Variants in PARG observed in about 807,000 individuals in gnomAD.
PARG encodes the protein mitochondrial poly(ADP-ribose) glycohydrolase.
Under a neutral mutation model 113.0 loss-of-function variants are expected in PARG, and 35 were observed. The observed-to-expected ratio is 0.31, with a 90% confidence interval of 0.24 to 0.41. The LOEUF (loss-of-function observed/expected upper bound fraction) is 0.41, where lower values mean the gene tolerates loss of function less well. Among genes scored for constraint, PARG ranks in the 10% least tolerant of loss-of-function variants. The pLI, the probability that PARG is intolerant of heterozygous loss-of-function variation, is 1.00. For synonymous variants in PARG, 330 were observed against 409.9 expected (o/e 0.81, Z 2.36); for missense variants, 797 against 1,169.4 (o/e 0.68, Z 4.64).
At chr10:49,907,391 G>C (rs2664466) in intron 7 of PARG, among the ~76,000 whole-genome samples, 3 of 152,264 alleles carry the variant, frequency 2.0e-5, no homozygotes, top group African/African-American at 4.8e-5. Context: ...TAAGGAGAAA[G>C]ACCATTGGCT....
chr10:49,893,689 CTTTT>C (rs1328865844), intron 7 of PARG, among the ~76,000 whole-genome samples: 1 of 143,162 alleles, frequency 7.0e-6, no homozygotes, highest in Non-Finnish European at 1.5e-5. Flanking sequence ...TAATTTTTGA[CTTTT>C]TTTTTTTTCC....
In PARG at chr10:49,941,912, T is replaced by A; in HGVS notation, c.-187A>T. 2 of 1,144,848 alleles carry A rather than the reference T, an allele frequency of 1.7e-6. No individual in the cohort carries two copies. Among genetic ancestry groups the A allele is most frequent in the Non-Finnish European group, 2.5e-6 (2 of 786,392 alleles). The allele number at this position is 1,144,848 out of a possible 1,614,324, so 70.9% of individuals were successfully genotyped here. ...TCAGGCCGTAAACACTCGCCTGCCT[T>A]CCCTCTTCCACTGGCACCCCACCTG... is the stretch of plus-strand genomic sequence containing the variant. On this transcript the variant is annotated 5_prime_UTR_variant, in exon 1 of 18. Coordinates refer to ENST00000616448, the MANE Select transcript of PARG (RefSeq NM_003631.5).
intron 15 of PARG, among the ~76,000 whole-genome samples, chr10:49,833,519 C>T (rs1844772393): frequency 6.6e-6 from 1 of 152,180 alleles, no homozygotes; most frequent in Non-Finnish European, 1.5e-5. Flanking sequence ...CTAAGATTCT[C>T]TAGTTTCACA....
intron 6 of PARG, among the ~76,000 whole-genome samples, chr10:49,917,233 G>A (rs1264507264): frequency 1.3e-5 from 2 of 152,186 alleles, no homozygotes; most frequent in African/African-American, 2.4e-5. Context: ...GCTCGCGCCT[G>A]TAATCCCAGC....
chr10:49,914,032 A>C (rs1402044754), intron 7 of PARG, among the ~76,000 whole-genome samples: 1 of 152,134 alleles, frequency 6.6e-6, no homozygotes, highest in Non-Finnish European at 1.5e-5. Flanking sequence ...ACACACCAAA[A>C]CTTGCTATAT....
intron 2 of PARG, 106 bp downstream of exon 2, chr10:49,934,970 A>G: frequency 1.6e-6 from 1 of 643,028 alleles, no homozygotes; most frequent in African/African-American, 1.8e-5. Context: ...ATTAACATAG[A>G]TAAAGGAGAA....
chr10:49,831,985 T>A (rs1486726797), intron 16 of PARG, among the ~76,000 whole-genome samples: 1 of 152,206 alleles, frequency 6.6e-6, no homozygotes, highest in South Asian at 2.1e-4. Context: ...GATCTGCGAT[T>A]ACTCCAGGTA....
intron 15 of PARG, among the ~76,000 whole-genome samples, chr10:49,838,713 T>C (rs1188105023): frequency 1.3e-5 from 2 of 152,102 alleles, no homozygotes; most frequent in Non-Finnish European, 1.5e-5. Flanking sequence ...TTGTTATCTG[T>C]ATAATTTGAA....
At chr10:49,852,942 T>C (rs1554834446) in intron 13 of PARG, among the ~76,000 whole-genome samples, 1 of 151,798 alleles carries the variant, frequency 6.6e-6, no homozygotes, top group Non-Finnish European at 1.5e-5. Flanking sequence ...TACCAAGTTT[T>C]TTATTTCAAG....
At chr10:49,918,205 G>A (rs1837609865) in intron 6 of PARG, among the ~76,000 whole-genome samples, 1 of 152,152 alleles carries the variant, frequency 6.6e-6, no homozygotes, top group Non-Finnish European at 1.5e-5. Flanking sequence ...GGAGCTTCAT[G>A]GGTATGTGTA....
intron 7 of PARG, among the ~76,000 whole-genome samples, chr10:49,891,813 G>A (rs1847821967): frequency 6.6e-6 from 1 of 150,404 alleles, no homozygotes; most frequent in Admixed American, 6.6e-5. Context: ...TATTTTTAGA[G>A]ATGGGGTTGC....
chr10:49,906,204 A>G (rs1848581912), intron 7 of PARG, among the ~76,000 whole-genome samples: 1 of 148,030 alleles, frequency 6.8e-6, no homozygotes, highest in Non-Finnish European at 1.5e-5. Flanking sequence ...GCTGGTCTCA[A>G]ACTCCTGACC....
intron 16 of PARG, among the ~76,000 whole-genome samples, chr10:49,825,592 A>G (rs900344807): frequency 4.6e-5 from 7 of 152,236 alleles, no homozygotes; most frequent in Non-Finnish European, 1.0e-4. Flanking sequence ...GTATGCACTC[A>G]ATATGTTCTC....
intron 6 of PARG, among the ~76,000 whole-genome samples, chr10:49,916,519 A>G (rs1427565962): frequency 1.0e-5 from 1 of 100,406 alleles, no homozygotes; most frequent in African/African-American, 2.8e-5. Flanking sequence ...CCTTTACTAT[A>G]AAGTATTTTT....
chr10:49,848,221 C>T, intron 13 of PARG, among the ~76,000 whole-genome samples: 1 of 146,640 alleles, frequency 6.8e-6, no homozygotes. Context: ...TGGTGGCGTG[C>T]ACCTGTAGTC....
At chr10:49,819,822 C>A (rs1843982337) in intron 17 of PARG, among the ~76,000 whole-genome samples, 1 of 152,202 alleles carries the variant, frequency 6.6e-6, no homozygotes, top group African/African-American at 2.4e-5. Context: ...TGAGCGCTGG[C>A]AGGTCTGAGA....
intron 1 of PARG, among the ~76,000 whole-genome samples, chr10:49,936,908 T>C (rs1286724849): frequency 2.0e-5 from 3 of 152,220 alleles, no homozygotes; most frequent in Admixed American, 6.5e-5. Context: ...AAAATACTTA[T>C]AATCCAGCTA....
chr10:49,927,393 A>G (rs564399653), intron 4 of PARG, among the ~76,000 whole-genome samples: 5 of 150,518 alleles, frequency 3.3e-5, no homozygotes, highest in African/African-American at 7.3e-5. Flanking sequence ...AAAGAAAGAA[A>G]GAAAGAAAGA....
At chr10:49,842,389 C>T (rs1554832548) in intron 14 of PARG, among the ~76,000 whole-genome samples, 1 of 152,154 alleles carries the variant, frequency 6.6e-6, no homozygotes, top group East Asian at 1.9e-4. Flanking sequence ...TCTTTGTTTT[C>T]CTCTAATACT....
Sources: allele counts gnomAD v4.1 joint callset (sites outside exome capture counted in the v4.1 genomes callset), GRCh38; gene constraint gnomAD v4.1.1; transcripts MANE v1.5; gene names NCBI Gene and HGNC (gene_info 2026-07-23, HGNC 2026-07-21).